FAM13A: variants seen among roughly 807,000 people sequenced by gnomAD.
The protein encoded by FAM13A is protein FAM13A.
Under a neutral mutation model 129.6 loss-of-function variants are expected in FAM13A, and 76 were observed. The observed-to-expected ratio is 0.59, with a 90% CI of 0.49 to 0.71. The LOEUF is 0.71. Ranked by LOEUF, FAM13A falls within the 30% of genes least tolerant of loss-of-function variation. The pLI, the probability that FAM13A is intolerant of heterozygous loss-of-function variation, is 0.00. For synonymous variants in FAM13A, 443 were observed against 449.9 expected (o/e 0.98, Z 0.20); for missense variants, 1,108 against 1,249.3 (o/e 0.89, Z 1.70).
chr4:88,921,960 T>G (rs1267574087), intron 5 of FAM13A, among the ~76,000 whole-genome samples: 1 of 151,958 alleles, frequency 6.6e-6, no homozygotes. Context: ...AAGAAGGCCA[T>G]TACATAATGG....
intron 11 of FAM13A, among the ~76,000 whole-genome samples, chr4:88,777,680 C>T (rs1369533199): frequency 1.3e-5 from 2 of 152,122 alleles, no homozygotes; most frequent in Non-Finnish European, 2.9e-5. Flanking sequence ...AGACACTTTT[C>T]CAGATCTACA....
At position 88,987,849 on chromosome 4, in the gene FAM13A, A is replaced by AAAAAAAAAAAAAC. The variant is rs1207687700; in HGVS notation, c.605+3123_605+3124insGTTTTTTTTTTTT. ...AGTGAGACTCCTCTCAAAAAAAAAA[A>AAAAAAAAAAAAAC]AAAAAACTTAATCTGAATATAACTT... is the stretch of plus-strand genomic sequence containing the variant. On this transcript the variant is annotated intron_variant, in intron 4 of 23. Coordinates refer to ENST00000264344, the MANE Select transcript of FAM13A (RefSeq NM_014883.4). Among the ~76,000 whole-genome samples the AAAAAAAAAAAAAC allele has an allele frequency of 7.9e-4, 119 of 150,546 alleles. 3 individuals are homozygous for AAAAAAAAAAAAAC. Among genetic ancestry groups the AAAAAAAAAAAAAC allele is most frequent in the African/African-American group, 2.7e-3 (110 of 40,734 alleles).
rs1744218340 is a variant in FAM13A, at chr4:88,758,791, C to T, written c.1689G>A (p.Ser563=). 30 of 1,613,808 alleles carry T rather than the reference C, an allele frequency of 1.9e-5. No homozygotes were observed. The highest frequency in any genetic ancestry group is 2.4e-5 in the Non-Finnish European group (28 of 1,179,888). ...TTTCATCACACAATGCAGTCAGGTC[C>T]GACTGGGGCACTTCGGAGACAAAGC... ...EESFVSEVPQ[S]DLTALCDEKN... The change falls in exon 14 of 24, where the codon TCG becomes TCA. Residue 563 remains serine, a synonymous_variant. Coordinates refer to ENST00000264344, the MANE Select transcript of FAM13A (RefSeq NM_014883.4).
intron 10 of FAM13A, among the ~76,000 whole-genome samples, chr4:88,785,488 A>G (rs577767862): frequency 7.1e-4 from 108 of 152,236 alleles, no homozygotes; most frequent in Non-Finnish European, 7.4e-4. Context: ...AAGGAAGGTT[A>G]AAACAGAAAT....
chr4:89,022,050 A>C (rs1767338024), intron 2 of FAM13A, among the ~76,000 whole-genome samples: 1 of 152,148 alleles, frequency 6.6e-6, no homozygotes, highest in Admixed American at 6.5e-5. Context: ...GCAGGCCAGG[A>C]TTTAACGTGA....
chr4:89,014,677 A>G (rs1225931213), intron 3 of FAM13A, among the ~76,000 whole-genome samples: 1 of 152,254 alleles, frequency 6.6e-6, no homozygotes, highest in Non-Finnish European at 1.5e-5. Context: ...GATTTCATGT[A>G]CATTTATCAC....
chr4:88,785,699 G>A (rs1015344574), intron 10 of FAM13A, among the ~76,000 whole-genome samples: 3 of 152,294 alleles, frequency 2.0e-5, no homozygotes, highest in African/African-American at 4.8e-5. Flanking sequence ...ACTGACCTAC[G>A]GTCAAAGCTG....
At chr4:88,949,286 T>C (rs931715418) in intron 4 of FAM13A, among the ~76,000 whole-genome samples, 2 of 152,196 alleles carry the variant, frequency 1.3e-5, no homozygotes, top group African/African-American at 4.8e-5. Context: ...CTTACAACGA[T>C]TGTTCACCCA....
intron 3 of FAM13A, among the ~76,000 whole-genome samples, chr4:89,006,938 T>G (rs1765123818): frequency 6.6e-6 from 1 of 152,018 alleles, no homozygotes; most frequent in Admixed American, 6.6e-5. Flanking sequence ...CAACCACTTG[T>G]CCCTCTGCCA....
chr4:88,903,420 G>A (rs909067894), intron 6 of FAM13A, among the ~76,000 whole-genome samples: 1 of 151,906 alleles, frequency 6.6e-6, no homozygotes, highest in African/African-American at 2.4e-5. Context: ...ACAGACACAT[G>A]GACCAATGGA....
intron 6 of FAM13A, among the ~76,000 whole-genome samples, chr4:88,892,658 G>T (rs2150170303): frequency 6.6e-6 from 1 of 152,228 alleles, no homozygotes; most frequent in South Asian, 2.1e-4. Context: ...ATACTTAAAA[G>T]TCAGATGTAG....
At chr4:88,805,145 T>A in intron 7 of FAM13A, 93 bp from the exon 8 acceptor site, 1 of 730,182 alleles carries the variant, frequency 1.4e-6, no homozygotes, top group Non-Finnish European at 2.4e-6. Context: ...AAATGTTGAT[T>A]TAGCACATTA....
At chr4:88,772,788 T>C (rs1720939575) in intron 11 of FAM13A, among the ~76,000 whole-genome samples, 2 of 152,294 alleles carry the variant, frequency 1.3e-5, no homozygotes, top group South Asian at 4.1e-4. Context: ...TCTCATGTAA[T>C]TTACTGAATA....
chr4:88,992,880 A>C (rs190473614), intron 3 of FAM13A, among the ~76,000 whole-genome samples: 1 of 152,156 alleles, frequency 6.6e-6, no homozygotes, highest in South Asian at 2.1e-4. Flanking sequence ...ATAATTAATA[A>C]GCAGTTGTAC....
chr4:88,863,085 C>CT (rs909680195), intron 6 of FAM13A, among the ~76,000 whole-genome samples: 3 of 151,742 alleles, frequency 2.0e-5, no homozygotes, highest in African/African-American at 7.3e-5. Flanking sequence ...TGATGAGTGC[C>CT]TTTTTGCATA....
chr4:89,010,018 T>C (rs1765535990), intron 3 of FAM13A, among the ~76,000 whole-genome samples: 1 of 152,210 alleles, frequency 6.6e-6, no homozygotes, highest in Non-Finnish European at 1.5e-5. Flanking sequence ...TGTGTCCATA[T>C]CTGGTTGGAC....
At chr4:88,913,234 A>G (rs1373369637) in intron 5 of FAM13A, among the ~76,000 whole-genome samples, 79 of 104,038 alleles carry the variant, frequency 7.6e-4, no homozygotes, top group Non-Finnish European at 1.1e-3. Flanking sequence ...AAGAGGAAGA[A>G]GAGGAGGAGG....
At chr4:88,962,960 A>G (rs537312612) in intron 4 of FAM13A, among the ~76,000 whole-genome samples, 19 of 108,566 alleles carry the variant, frequency 1.8e-4, no homozygotes, top group African/African-American at 6.1e-4. Flanking sequence ...AATATTTCCT[A>G]TATGTAAAAA....
chr4:88,808,780 TA>T (rs923641261), intron 7 of FAM13A, among the ~76,000 whole-genome samples: 41 of 147,770 alleles, frequency 2.8e-4, no homozygotes, highest in South Asian at 1.1e-3. Context: ...GTAGTTTACT[TA>T]AAAAAAAAAA....
Sources: gnomAD v4.1 joint callset for allele counts (sites outside exome capture counted in the v4.1 genomes callset) on GRCh38, gnomAD v4.1.1 for gene constraint, MANE v1.5 for transcripts, NCBI Gene and HGNC (gene_info 2026-07-23, HGNC 2026-07-21) for gene names.